XYLB: variants seen among roughly 807,000 people sequenced by gnomAD.
XYLB encodes xylulokinase.
In XYLB, 62 loss-of-function variants were observed where a neutral mutation model predicts 78.7. The ratio of observed to expected loss-of-function variants is 0.79; its 90% CI spans 0.64 to 0.97. The LOEUF (loss-of-function observed/expected upper bound fraction) is 0.97, where lower values mean the gene tolerates loss of function less well. XYLB is among the 50% of genes least tolerant of loss of function. XYLB has a pLI of 0.00. For missense variants in XYLB, 687 were observed against 676.8 expected (o/e 1.02, Z -0.17); for synonymous variants, 245 against 247.4 (o/e 0.99, Z 0.09).
At chr3:38,400,147 A>G (rs1338676335) in intron 17 of XYLB, among the ~76,000 whole-genome samples, 1 of 151,752 alleles carries the variant, frequency 6.6e-6, no homozygotes, top group African/African-American at 2.4e-5. Flanking sequence ...ACCAATGGCA[A>G]CCTTCCCCCT....
downstream of XYLB, among the ~76,000 whole-genome samples, chr3:38,425,455 G>A (rs1709081277): frequency 1.3e-5 from 2 of 152,212 alleles, no homozygotes; most frequent in Admixed American, 1.3e-4. Flanking sequence ...AATGATTATA[G>A]GAATGGTGAT....
At chr3:38,361,513 G>T (rs1051180446) in intron 3 of XYLB, among the ~76,000 whole-genome samples, 2 of 152,194 alleles carry the variant, frequency 1.3e-5, no homozygotes, top group African/African-American at 4.8e-5. Context: ...CAGATAAACT[G>T]GCTAGAATGT....
At chr3:38,372,881 G>C (rs1706647160) in intron 10 of XYLB, 145 bp downstream of exon 10, 1 of 907,336 alleles carries the variant, frequency 1.1e-6, no homozygotes, top group Non-Finnish European at 1.7e-6. Flanking sequence ...GAGAATTCCA[G>C]TCCAGCCTCT....
intron 18 of XYLB, among the ~76,000 whole-genome samples, chr3:38,408,104 C>G (rs1345900097): frequency 4.4e-4 from 64 of 146,986 alleles, no homozygotes; most frequent in East Asian, 1.4e-3. Flanking sequence ...CCACACCACA[C>G]CTATTCCAAA....
chr3:38,354,142 C>T (rs140232793), intron 2 of XYLB, among the ~76,000 whole-genome samples: 12,898 of 151,828 alleles, frequency 0.085, 776 homozygotes, highest in Non-Finnish European at 0.13. Flanking sequence ...GGCATGATCT[C>T]GGCTCACTGC....
chr3:38,427,849 C>G, the XYLB span, among the ~76,000 whole-genome samples: 27 of 152,316 alleles, frequency 1.8e-4, no homozygotes, highest in African/African-American at 6.3e-4. Context: ...ACCTTGGCCT[C>G]CCAAATTTCT....
intron 7 of XYLB, among the ~76,000 whole-genome samples, chr3:38,367,888 G>A (rs960590077): frequency 1.3e-5 from 2 of 152,222 alleles, no homozygotes; most frequent in African/African-American, 4.8e-5. Flanking sequence ...ATTCCGGATG[G>A]AAATGCAGCT....
chr3:38,416,225 G>A (rs1575553311), downstream of XYLB, among the ~76,000 whole-genome samples: 1 of 152,080 alleles, frequency 6.6e-6, no homozygotes, highest in South Asian at 2.1e-4. Flanking sequence ...AAAATACAAA[G>A]AACTCCTTGT....
chr3:38,437,260 T>C, the XYLB span, among the ~76,000 whole-genome samples: 8 of 152,024 alleles, frequency 5.3e-5, no homozygotes, highest in African/African-American at 1.9e-4. Context: ...TGAAGGAACA[T>C]ACCTCAAATT....
chr3:38,445,115 T>A, the XYLB span, among the ~76,000 whole-genome samples: 1 of 152,114 alleles, frequency 6.6e-6, no homozygotes, highest in East Asian at 1.9e-4. Flanking sequence ...CCTATAAAGA[T>A]GATATTCCCC....
At chr3:38,427,889 G>A in the XYLB span, among the ~76,000 whole-genome samples, 1 of 152,162 alleles carries the variant, frequency 6.6e-6, no homozygotes, top group Admixed American at 6.5e-5. Context: ...ACCATGCCTG[G>A]TCAATGTTTT....
the XYLB span, among the ~76,000 whole-genome samples, chr3:38,432,547 C>G: frequency 7.9e-5 from 12 of 151,818 alleles, no homozygotes; most frequent in Non-Finnish European, 1.3e-4. Flanking sequence ...TGCCTGGTGA[C>G]AGAGCTAGAC....
chr3:38,358,031 A>G (rs1094002), intron 2 of XYLB, among the ~76,000 whole-genome samples: 130,150 of 150,940 alleles, frequency 0.86, 57,010 homozygotes, highest in East Asian at 1. Context: ...AATGTTTTTA[A>G]TTTTGATAAA....
intron 2 of XYLB, among the ~76,000 whole-genome samples, chr3:38,352,655 A>C (rs866641325): frequency 1.3e-5 from 2 of 152,132 alleles, no homozygotes; most frequent in African/African-American, 4.8e-5. Context: ...ACAAAAGTGC[A>C]AAAATTAGTC....
chr3:38,375,299 G>T (rs774147507), intron 12 of XYLB, 40 bp downstream of exon 12: 1 of 1,580,068 alleles, frequency 6.3e-7, no homozygotes, highest in East Asian at 2.3e-5. Context: ...CCTGGGTGAG[G>T]AGGTGTGGGC....
In XYLB at chr3:38,350,193, G is replaced by A. The variant is rs369794516; in HGVS notation, c.140+1561G>A. Among the ~76,000 whole-genome samples the A allele has an allele frequency of 2.6e-5, 4 of 152,176 alleles. No individual in the cohort carries two copies. The East Asian group carries it at 5.8e-4, about 22-fold the overall frequency. The stretch of plus-strand genomic sequence containing the variant: ...CACCTCTCATTACCCATCACATTGT[G>A]TTGCCAACTCTTTGCCCCCAGCTAA... On this transcript the variant is annotated intron_variant, in intron 2 of 18. Coordinates refer to ENST00000207870, the MANE Select transcript of XYLB (RefSeq NM_005108.4).
At chr3:38,439,185 G>C in the XYLB span, among the ~76,000 whole-genome samples, 1 of 152,174 alleles carries the variant, frequency 6.6e-6, no homozygotes. Context: ...GCTGGATAGG[G>C]GCGAAGAAGG....
At chr3:38,398,612 A>G (rs1296934114) in intron 17 of XYLB, among the ~76,000 whole-genome samples, 1 of 151,380 alleles carries the variant, frequency 6.6e-6, no homozygotes, top group Non-Finnish European at 1.5e-5. Flanking sequence ...TTAATATTAT[A>G]TTGGCTTTTA....
rs1708704320 is a variant in XYLB at position 38,413,996 on chromosome 3, C to G, written c.*983C>G. 6.6e-6 allele frequency: 1 copy of G among 152,078 alleles called. No homozygotes were observed. Among genetic ancestry groups the G allele is most frequent in the African/African-American group, 2.4e-5 (1 of 41,412 alleles). The allele number at this position is 152,078 out of a possible 1,614,324, so 9.4% of individuals were successfully genotyped here. On this transcript the variant is annotated 3_prime_UTR_variant, in exon 19 of 19. Coordinates refer to ENST00000207870, the MANE Select transcript of XYLB (RefSeq NM_005108.4). ...TTGTATAGTGAGTTCCTTTTTCCTT[C>G]CTCTTTATCCCTCCTGTTTTACTTT...
Sources: gnomAD v4.1 joint callset for allele counts (sites outside exome capture counted in the v4.1 genomes callset) on GRCh38, gnomAD v4.1.1 for gene constraint, MANE v1.5 for transcripts, NCBI Gene and HGNC (gene_info 2026-07-23, HGNC 2026-07-21) for gene names.